BORCS5: variants seen among roughly 807,000 people sequenced by gnomAD.
BORCS5 encodes the protein BLOC-1-related complex subunit 5.
A neutral mutation model predicts 22.1 loss-of-function variants in BORCS5; 17 were observed. The ratio of observed to expected loss-of-function variants is 0.77; its 90% CI spans 0.53 to 1.15. BORCS5 has a LOEUF of 1.15. BORCS5 is among the 50% of genes most tolerant of loss of function. BORCS5 has a pLI of 0.00. For synonymous variants in BORCS5, 117 were observed against 99.8 expected (o/e 1.17, Z -1.03); for missense variants, 247 against 253.2 (o/e 0.98, Z 0.17).
chr12:12,440,301 G>A lies in BORCS5; in HGVS notation c.360+4516G>A, dbSNP rs149273774. ...GGAGGTAATTTACTTTGCAATCAGG[G>A]AGTCTAGTGACATACCTTAACTACT... On this transcript the variant is annotated intron_variant, in intron 3 of 3. Transcript: ENST00000314565. 1.6e-3 allele frequency among the ~76,000 whole-genome samples: 247 copies of A among 152,302 alleles called. 2 individuals carry two copies. Among genetic ancestry groups the A allele is most frequent in the Middle Eastern group, 3.4e-3 (1 of 294 alleles).
chr12:12,407,546 G>C (rs1292800186), intron 2 of BORCS5, among the ~76,000 whole-genome samples: 1 of 152,018 alleles, frequency 6.6e-6, no homozygotes, highest in East Asian at 1.9e-4. Context: ...GTGGCATTAA[G>C]TATATTCACA....
At chr12:12,415,437 G>A (rs1232583251) in intron 2 of BORCS5, among the ~76,000 whole-genome samples, 2 of 151,242 alleles carry the variant, frequency 1.3e-5, no homozygotes, top group African/African-American at 2.4e-5. Context: ...GCAATCGCAG[G>A]CACTCGGCAG....
chr12:12,450,576 C>T (rs553444337), intron 3 of BORCS5, among the ~76,000 whole-genome samples: 1 of 152,250 alleles, frequency 6.6e-6, no homozygotes, highest in Admixed American at 6.5e-5. Context: ...TAACAAATTG[C>T]CATTTAAATT....
At chr12:12,444,479 G>A (rs1052839770) in intron 3 of BORCS5, among the ~76,000 whole-genome samples, 2 of 152,110 alleles carry the variant, frequency 1.3e-5, no homozygotes, top group East Asian at 1.9e-4. Context: ...AGGTTCTTAC[G>A]GGCCAAACCT....
chr12:12,357,541 C>T (rs1863171514), intron 1 of BORCS5, 32 bp downstream of exon 1: 3 of 1,589,484 alleles, frequency 1.9e-6, no homozygotes, highest in East Asian at 2.3e-5. Flanking sequence ...CCTCCTCCAG[C>T]CCGCCCTGTC....
At chr12:12,447,510 G>A (rs1390464112) in intron 3 of BORCS5, among the ~76,000 whole-genome samples, 1 of 152,186 alleles carries the variant, frequency 6.6e-6, no homozygotes, top group Non-Finnish European at 1.5e-5. Flanking sequence ...CTGATGTCCC[G>A]AGCAGCCATC....
intron 2 of BORCS5, among the ~76,000 whole-genome samples, chr12:12,416,634 A>AT (rs990727149): frequency 4.2e-4 from 63 of 151,568 alleles, no homozygotes; most frequent in East Asian, 2.9e-3. Context: ...TTATTTACTT[A>AT]TTTTTTTAAA....
chr12:12,368,487 C>G (rs1474023216), intron 2 of BORCS5, among the ~76,000 whole-genome samples: 2 of 151,908 alleles, frequency 1.3e-5, no homozygotes, highest in Admixed American at 6.6e-5. Context: ...ATCTGTCATC[C>G]AGGCTGGAGT....
chr12:12,434,094 C>T (rs1942497645), intron 2 of BORCS5, among the ~76,000 whole-genome samples: 1 of 151,834 alleles, frequency 6.6e-6, no homozygotes, highest in South Asian at 2.1e-4. Flanking sequence ...TCGAGACCAA[C>T]CTGGGCAGCA....
rs141345144 is a variant in BORCS5, at chr12:12,404,661, C to T, written c.203-30967C>T. Among the ~76,000 whole-genome samples the T allele has an allele frequency of 2.9e-3, 442 of 152,272 alleles. 3 individuals carry two copies. Among genetic ancestry groups the T allele is most frequent in the African/African-American group, 0.01 (419 of 41,570 alleles). On this transcript the variant is annotated intron_variant, in intron 2 of 3. Transcript: ENST00000314565. Reference sequence around the variant, plus strand: ...ACATAGGAGCACTCCTCAGCATGTCCAACAGCAGTCTGTGGAGAACTACTT... The same window carrying T: ...ACATAGGAGCACTCCTCAGCATGTCTAACAGCAGTCTGTGGAGAACTACTT...
intron 2 of BORCS5, among the ~76,000 whole-genome samples, chr12:12,429,011 C>T (rs776912860): frequency 1.6e-4 from 24 of 152,156 alleles, no homozygotes; most frequent in Admixed American, 8.5e-4. Context: ...TCCAGAAGCC[C>T]GCAGAGGCCA....
At chr12:12,381,727 T>C (rs1863778852) in intron 2 of BORCS5, among the ~76,000 whole-genome samples, 1 of 151,560 alleles carries the variant, frequency 6.6e-6, no homozygotes. Context: ...GTATAAACCA[T>C]ATGTGCTTTT....
chr12:12,409,304 T>C (rs1177937509), intron 2 of BORCS5, among the ~76,000 whole-genome samples: 1 of 152,140 alleles, frequency 6.6e-6, no homozygotes, highest in Admixed American at 6.5e-5. Context: ...ATGTGCCATG[T>C]TGGTGTGCTG....
intron 2 of BORCS5, among the ~76,000 whole-genome samples, chr12:12,427,744 C>T (rs2136114158): frequency 6.6e-6 from 1 of 152,282 alleles, no homozygotes; most frequent in Non-Finnish European, 1.5e-5. Flanking sequence ...GCAGATTTGC[C>T]TCTGCCGAGG....
chr12:12,453,303 T>G (rs1161770614), intron 3 of BORCS5, among the ~76,000 whole-genome samples: 2 of 152,212 alleles, frequency 1.3e-5, no homozygotes, highest in Non-Finnish European at 2.9e-5. Context: ...TGCTGAGAAC[T>G]GGCATCTCAC....
chr12:12,463,182 T>C (rs2136163261), intron 3 of BORCS5, among the ~76,000 whole-genome samples: 1 of 152,320 alleles, frequency 6.6e-6, no homozygotes, highest in Non-Finnish European at 1.5e-5. Context: ...TGTGTTACAA[T>C]GAGCATGTGT....
chr12:12,420,382 T>A (rs1283081672), intron 2 of BORCS5, among the ~76,000 whole-genome samples: 2 of 152,198 alleles, frequency 1.3e-5, no homozygotes, highest in Non-Finnish European at 2.9e-5. Flanking sequence ...TTCTGAGGGC[T>A]CTGTTCTGTT....
At chr12:12,379,299 T>A (rs1382032852) in intron 2 of BORCS5, among the ~76,000 whole-genome samples, 1 of 150,638 alleles carries the variant, frequency 6.6e-6, no homozygotes, top group Admixed American at 6.6e-5. Context: ...TTTTGTATCT[T>A]TAGTATGGTT....
chr12:12,451,593 C>T (rs1240973860), intron 3 of BORCS5, among the ~76,000 whole-genome samples: 1 of 152,060 alleles, frequency 6.6e-6, no homozygotes, highest in Non-Finnish European at 1.5e-5. Context: ...AGAAAAGCAA[C>T]ATTGAACTGG....
Sources: allele counts gnomAD v4.1 joint callset (sites outside exome capture counted in the v4.1 genomes callset), GRCh38; gene constraint gnomAD v4.1.1; transcripts MANE v1.5; gene names NCBI Gene and HGNC (gene_info 2026-07-23, HGNC 2026-07-21).